Variants in VTA1 observed in about 807,000 individuals in gnomAD.
VTA1 encodes the protein vacuolar protein sorting-associated protein VTA1 homolog.
VTA1 carries 24 observed loss-of-function variants against 36.9 expected under a neutral mutation model. The observed-to-expected ratio is 0.65, with a 90% CI of 0.47 to 0.91. The LOEUF (loss-of-function observed/expected upper bound fraction) is 0.91. VTA1 is among the 40% of genes least tolerant of loss of function. The pLI is 0.00. For synonymous variants in VTA1, 142 were observed against 130.2 expected (o/e 1.09, Z -0.62); for missense variants, 393 against 377.2 (o/e 1.04, Z -0.35).
chr6:142,181,656 G>A (rs914742476), intron 4 of VTA1, among the ~76,000 whole-genome samples: 2 of 150,944 alleles, frequency 1.3e-5, no homozygotes, highest in Admixed American at 1.3e-4. Flanking sequence ...TCTTACCCCA[G>A]TAGATTAAGT....
intron 4 of VTA1, among the ~76,000 whole-genome samples, chr6:142,172,987 A>G (rs1418083971): frequency 1.3e-5 from 2 of 152,108 alleles, no homozygotes; most frequent in East Asian, 3.9e-4. Flanking sequence ...AAAGAAAAAA[A>G]AACTGGTTGA....
rs1582885708 is a variant in VTA1 at position 142,174,979 on chromosome 6, T to G, written c.411+4558T>G. On this transcript the variant is annotated intron_variant, in intron 4 of 7. Transcript: ENST00000367630. ...CCTGCGGAATGTGAAGGCTCTTTTC[T>G]GTATAAATTAGCCAACATCAGGTAT... is the stretch of plus-strand genomic sequence containing the variant. 3.9e-5 allele frequency among the ~76,000 whole-genome samples: 6 copies of G among 152,306 alleles called. No homozygotes were observed. The East Asian group carries it at 1.2e-3, about 29-fold the overall frequency.
At chr6:142,154,935 C>T (rs191289383) in intron 1 of VTA1, among the ~76,000 whole-genome samples, 4 of 151,998 alleles carry the variant, frequency 2.6e-5, no homozygotes, top group South Asian at 2.1e-4. Flanking sequence ...GGATTAAAAA[C>T]GCAAGCAGAT....
At chr6:142,170,136 G>T (rs41289833) in intron 3 of VTA1, among the ~76,000 whole-genome samples, 1 of 152,032 alleles carries the variant, frequency 6.6e-6, no homozygotes, top group Non-Finnish European at 1.5e-5. Context: ...TTGACGTAGC[G>T]CATTTACTTG....
At chr6:142,174,581 A>T (rs1345912915) in intron 4 of VTA1, among the ~76,000 whole-genome samples, 1 of 152,100 alleles carries the variant, frequency 6.6e-6, no homozygotes, top group African/African-American at 2.4e-5. Flanking sequence ...GGAAGGGATA[A>T]TTATATTTTG....
At chr6:142,147,536 C>G (rs1372485668) in intron 1 of VTA1, 137 bp downstream of exon 1, 2 of 842,190 alleles carry the variant, frequency 2.4e-6, no homozygotes, top group South Asian at 1.6e-5. Context: ...ACCCAGGGAA[C>G]TCCCTGGGTT....
At chr6:142,179,008 A>C (rs1775175635) in intron 4 of VTA1, among the ~76,000 whole-genome samples, 1 of 152,100 alleles carries the variant, frequency 6.6e-6, no homozygotes, top group Admixed American at 6.6e-5. Context: ...GCCATTTTAT[A>C]ATAATGGGTC....
At chr6:142,206,327 A>G (rs557575994) in intron 7 of VTA1, among the ~76,000 whole-genome samples, 1 of 152,370 alleles carries the variant, frequency 6.6e-6, no homozygotes, top group East Asian at 1.9e-4. Flanking sequence ...TTACATAAAT[A>G]CAATAATCAA....
chr6:142,191,954 A>G (rs750268467), intron 5 of VTA1, among the ~76,000 whole-genome samples: 1 of 152,062 alleles, frequency 6.6e-6, no homozygotes, highest in Non-Finnish European at 1.5e-5. Flanking sequence ...CTAATTGTCT[A>G]TTGTTCTGGC....
Position 142,218,724 on chromosome 6 carries a change from C to A in VTA1, c.*81C>A. ...CTCTATCTTCAGCCTATCAGGATCA[C>A]AGTTTTAAGGAAGACTTGGTTTTGT... is the stretch of plus-strand genomic sequence containing the variant. On this transcript the variant is annotated 3_prime_UTR_variant, in exon 8 of 8. Coordinates refer to ENST00000367630, the MANE Select transcript of VTA1 (RefSeq NM_016485.5). The A allele has an allele frequency of 6.9e-7, 1 of 1,459,564 alleles. No homozygotes were observed. The highest frequency in any genetic ancestry group is 9.1e-7 in the Non-Finnish European group (1 of 1,099,006). 90.4% of individuals were successfully genotyped at this position (1,459,564 alleles called of 1,614,324 possible).
chr6:142,148,395 A>ATGT lies in VTA1; in HGVS notation c.112+996_112+997insTGT, dbSNP rs533576703. Among the ~76,000 whole-genome samples, 38 of 152,284 alleles carry ATGT rather than the reference A, an allele frequency of 2.5e-4. No individual in the cohort carries two copies. The East Asian group carries it at 4.6e-3, about 19-fold the overall frequency. ...TGGCAAACTCATGATTCAAGATCTAACCCAAATGTCACCACTTCTGTGGGC... is the reference window on the plus strand; with the variant it reads ...TGGCAAACTCATGATTCAAGATCTAATGTCCCAAATGTCACCACTTCTGTGGGC... On this transcript the variant is annotated intron_variant, in intron 1 of 7. Transcript: ENST00000367630.
intron 7 of VTA1, among the ~76,000 whole-genome samples, chr6:142,217,797 T>G (rs1383074237): frequency 6.6e-6 from 1 of 151,970 alleles, no homozygotes; most frequent in East Asian, 1.9e-4. Context: ...AATTTTGTCT[T>G]TAGAAATATA....
Position 142,220,215 on chromosome 6 carries a change from A to G in VTA1, c.*1572A>G, listed in dbSNP as rs2114694637. ...AACATTTGTAGGGTTCCACATTTGC[A>G]TCTAGAAATCCAATGCTCTTTAGAA... On this transcript the variant is annotated 3_prime_UTR_variant, in exon 8 of 8. Transcript: ENST00000367630. 1 of 152,330 alleles carries G rather than the reference A, an allele frequency of 6.6e-6. No homozygotes were observed. Among genetic ancestry groups the G allele is most frequent in the East Asian group, 1.9e-4 (1 of 5,186 alleles). The allele number at this position is 152,330 out of a possible 1,614,324, so 9.4% of individuals were successfully genotyped here.
rs1267454977 is a variant in VTA1, at chr6:142,219,956, A to G, written c.*1313A>G. 6.6e-6 allele frequency: 1 copy of G among 152,206 alleles called. No individual in the cohort carries two copies. Among genetic ancestry groups the G allele is most frequent in the African/African-American group, 2.4e-5 (1 of 41,454 alleles). 9.4% of individuals were successfully genotyped at this position (152,206 alleles called of 1,614,324 possible). ...GCTTGCAAGTCTAAAAACATTTACT[A>G]TTTGGCCCTCTAAGAAAAAGTTAAG... On this transcript the variant is annotated 3_prime_UTR_variant, in exon 8 of 8. Coordinates refer to ENST00000367630, the MANE Select transcript of VTA1 (RefSeq NM_016485.5).
rs1024393399 is a variant in VTA1, at chr6:142,220,897, G to A, written c.*2254G>A. 1 of 151,960 alleles carries A rather than the reference G, an allele frequency of 6.6e-6. No individual in the cohort carries two copies. The highest frequency in any genetic ancestry group is 1.5e-5 in the Non-Finnish European group (1 of 68,010). 9.4% of individuals were successfully genotyped at this position (151,960 alleles called of 1,614,324 possible). A position where few individuals can be genotyped will look rare whatever the true frequency, so the allele number is the denominator to read the frequency against. On this transcript the variant is annotated 3_prime_UTR_variant, in exon 8 of 8. Coordinates refer to ENST00000367630, the MANE Select transcript of VTA1 (RefSeq NM_016485.5). ...GGAAAAAAAGTCCCTCCCTCATAGA[G>A]TTTACATTCTAAAAGGGAGGAAATA... is the stretch of plus-strand genomic sequence containing the variant.
At chr6:142,199,548 T>A (rs1021023996) in intron 6 of VTA1, among the ~76,000 whole-genome samples, 1 of 144,482 alleles carries the variant, frequency 6.9e-6, no homozygotes. Flanking sequence ...ACTTTACTTT[T>A]ATTTGTCAGC....
intron 2 of VTA1, among the ~76,000 whole-genome samples, chr6:142,166,850 TC>T (rs1184187036): frequency 1.3e-5 from 2 of 152,182 alleles, no homozygotes; most frequent in Non-Finnish European, 2.9e-5. Flanking sequence ...TGTCTGAAAC[TC>T]CTGACCTCAA....
rs1464804730 is a variant in VTA1, at chr6:142,170,967, C to G, written c.411+546C>G. 3.3e-5 allele frequency among the ~76,000 whole-genome samples: 5 copies of G among 152,114 alleles called. No homozygotes were observed. The East Asian group carries it at 9.6e-4, about 29-fold the overall frequency. On this transcript the variant is annotated intron_variant, in intron 4 of 7. Transcript: ENST00000367630. The stretch of plus-strand genomic sequence containing the variant: ...TAAATCCAGCATGTATTTTACACTT[C>G]AGCATATGTGTGACTACTGTATTGG...
intron 7 of VTA1, among the ~76,000 whole-genome samples, chr6:142,211,878 C>G (rs977983155): frequency 6.6e-6 from 1 of 152,076 alleles, no homozygotes; most frequent in Non-Finnish European, 1.5e-5. Flanking sequence ...AGGCACCTGA[C>G]TAAAGAGGAT....
Sources: gnomAD v4.1 joint callset for allele counts (sites outside exome capture counted in the v4.1 genomes callset) on GRCh38, gnomAD v4.1.1 for gene constraint, MANE v1.5 for transcripts, NCBI Gene and HGNC (gene_info 2026-07-23, HGNC 2026-07-21) for gene names.